Variants in GNAO1 observed in about 807,000 individuals in gnomAD.
GNAO1 encodes the protein guanine nucleotide-binding protein G(o) subunit alpha.
For missense variants in GNAO1, 166 were observed against 478.7 expected (o/e 0.35, Z 6.10); for synonymous variants, 164 against 180.7 (o/e 0.91, Z 0.74).
chr16:56,218,579 G>A (rs571196917), intron 2 of GNAO1, among the ~76,000 whole-genome samples: 2 of 152,210 alleles, frequency 1.3e-5, no homozygotes, highest in Non-Finnish European at 2.9e-5. Flanking sequence ...GCCCCTGTGA[G>A]AGCTTGACAG....
chr16:56,233,084 A>G (rs1472091965), intron 2 of GNAO1, among the ~76,000 whole-genome samples: 1 of 152,192 alleles, frequency 6.6e-6, no homozygotes, highest in Non-Finnish European at 1.5e-5. Flanking sequence ...ACCAGGCATC[A>G]TTACTTAATC....
At chr16:56,343,883 A>T (rs776186191) in intron 6 of GNAO1, 2 of 1,614,190 alleles carry the variant, frequency 1.2e-6, no homozygotes. Context: ...AACAACATCC[A>T]GTTTGTCTTT....
At chr16:56,264,710 A>T (rs2036935164) in intron 2 of GNAO1, among the ~76,000 whole-genome samples, 1 of 150,416 alleles carries the variant, frequency 6.6e-6, no homozygotes, top group Non-Finnish European at 1.5e-5. Context: ...ATATTAGAAT[A>T]TCAAGTTTTA....
At chr16:56,318,185 A>G (rs1383003941) in intron 3 of GNAO1, among the ~76,000 whole-genome samples, 2 of 152,150 alleles carry the variant, frequency 1.3e-5, no homozygotes. Context: ...CCAGCTGCAG[A>G]GAGGGAGGGG....
intron 2 of GNAO1, among the ~76,000 whole-genome samples, chr16:56,271,573 C>T: frequency 6.6e-6 from 1 of 152,170 alleles, no homozygotes; most frequent in Non-Finnish European, 1.5e-5. Context: ...CCTGCCTCAG[C>T]CTCCCAAGTA....
At chr16:56,310,148 C>G (rs112584802) in intron 3 of GNAO1, among the ~76,000 whole-genome samples, 56 of 148,022 alleles carry the variant, frequency 3.8e-4, no homozygotes, top group Non-Finnish European at 7.3e-4. Flanking sequence ...TTCTAAAAAA[C>G]AAAAAAAAGA....
chr16:56,198,378 C>A, intron 2 of GNAO1, among the ~76,000 whole-genome samples: 1 of 152,198 alleles, frequency 6.6e-6, no homozygotes, highest in East Asian at 1.9e-4. Context: ...GTGATTAGCA[C>A]TGAGGGGAAG....
intron 2 of GNAO1, among the ~76,000 whole-genome samples, chr16:56,204,497 C>A (rs2036308093): frequency 6.6e-6 from 1 of 152,012 alleles, no homozygotes. Context: ...CTTCAGTAGA[C>A]CCACAGGTAG....
intron 2 of GNAO1, among the ~76,000 whole-genome samples, chr16:56,214,602 C>CA (rs750861709): frequency 6.6e-6 from 1 of 152,168 alleles, no homozygotes; most frequent in Non-Finnish European, 1.5e-5. Context: ...GTGGGTGGCA[C>CA]AAAAATCCTA....
intron 3 of GNAO1, among the ~76,000 whole-genome samples, chr16:56,297,638 T>G (rs1368298099): frequency 6.6e-6 from 1 of 151,946 alleles, no homozygotes; most frequent in Non-Finnish European, 1.5e-5. Flanking sequence ...CTTTTCTTTT[T>G]TAAATGAAAG....
intron 2 of GNAO1, among the ~76,000 whole-genome samples, chr16:56,205,050 A>C (rs755176847): frequency 1.3e-5 from 2 of 152,222 alleles, no homozygotes; most frequent in African/African-American, 2.4e-5. Flanking sequence ...TTAAGCTTTC[A>C]GAACTCTAGT....
At chr16:56,208,438 TGTGTGTGTGTGC>T (rs1207553721) in intron 2 of GNAO1, among the ~76,000 whole-genome samples, 2 of 103,820 alleles carry the variant, frequency 1.9e-5, no homozygotes, top group African/African-American at 3.8e-5. Context: ...TGTGTGTGTG[TGTGTGTGTGTGC>T]GCGCGCGCGC....
intron 2 of GNAO1, among the ~76,000 whole-genome samples, chr16:56,202,472 T>A (rs182277937): frequency 6.6e-6 from 1 of 152,356 alleles, no homozygotes; most frequent in East Asian, 1.9e-4. Flanking sequence ...TGTTCATTTC[T>A]ACATGGGAGT....
chr16:56,232,103 C>G (rs1294023611), intron 2 of GNAO1, among the ~76,000 whole-genome samples: 1 of 152,078 alleles, frequency 6.6e-6, no homozygotes, highest in African/African-American at 2.4e-5. Context: ...AAGGCGTTGA[C>G]GGATGTCTGC....
intron 6 of GNAO1, among the ~76,000 whole-genome samples, chr16:56,348,944 T>G (rs1489263009): frequency 6.6e-6 from 1 of 152,188 alleles, no homozygotes; most frequent in Non-Finnish European, 1.5e-5. Flanking sequence ...GTGATCATCT[T>G]TCTCCAGCTG....
intron 2 of GNAO1, among the ~76,000 whole-genome samples, chr16:56,208,396 A>G (rs2036349984): frequency 6.6e-6 from 1 of 151,392 alleles, no homozygotes; most frequent in Non-Finnish European, 1.5e-5. Context: ...AGTTTGGAGC[A>G]GTTATAAAAG....
At chr16:56,339,362 G>A (rs969671679) in intron 6 of GNAO1, among the ~76,000 whole-genome samples, 1 of 152,238 alleles carries the variant, frequency 6.6e-6, no homozygotes, top group Non-Finnish European at 1.5e-5. Context: ...AAAAGTGCCT[G>A]TACACAGGAA....
intron 3 of GNAO1, among the ~76,000 whole-genome samples, chr16:56,286,757 GTC>G (rs1211906050): frequency 6.6e-6 from 1 of 150,878 alleles, no homozygotes; most frequent in African/African-American, 2.4e-5. Context: ...CTGTCTGTCT[GTC>G]TCTCTCTCTC....
rs1421572255 is a variant in GNAO1, at chr16:56,301,532, C to T, written c.303+25460C>T. On this transcript the variant is annotated intron_variant, in intron 3 of 8. Transcript: ENST00000262493. ...GGGCTTTCTCTGTTTGCCCTCTAAG[C>T]GCTTACCACAGAAGCTTGGCATTTT... Among the ~76,000 whole-genome samples, 10 of 152,304 alleles carry T rather than the reference C, an allele frequency of 6.6e-5. 1 individual carries two copies. The highest frequency in any genetic ancestry group is 5.9e-5 in the Non-Finnish European group (4 of 68,030).
Sources: allele counts gnomAD v4.1 joint callset (sites outside exome capture counted in the v4.1 genomes callset), GRCh38; gene constraint gnomAD v4.1.1; transcripts MANE v1.5; gene names NCBI Gene and HGNC (gene_info 2026-07-23, HGNC 2026-07-21).